LRRC9: variants seen among roughly 807,000 people sequenced by gnomAD.
The protein encoded by LRRC9 is leucine rich repeat containing 9.
LRRC9 carries 122 observed loss-of-function variants against 63.2 expected under a neutral mutation model. That is an observed-to-expected ratio of 1.93 (90% CI 1.67 to 2.24). The LOEUF (loss-of-function observed/expected upper bound fraction) is 2.24. Among genes scored for constraint, LRRC9 ranks in the 30% most tolerant of loss-of-function variants. The pLI is 0.00. For missense variants in LRRC9, 1,071 were observed against 627.7 expected (o/e 1.71, Z -7.55); for synonymous variants, 366 against 213.1 (o/e 1.72, Z -6.25).
At chr14:59,963,147 AT>A in intron 10 of LRRC9, among the ~76,000 whole-genome samples, 1 of 152,300 alleles carries the variant, frequency 6.6e-6, no homozygotes, top group South Asian at 2.1e-4. Flanking sequence ...AATAAAAAGT[AT>A]TTCAGTAGAA....
At chr14:60,023,170 C>T (rs753614552) in intron 27 of LRRC9, among the ~76,000 whole-genome samples, 3 of 151,660 alleles carry the variant, frequency 2.0e-5, no homozygotes, top group Non-Finnish European at 4.4e-5. Context: ...TTATTAAACC[C>T]AGAATTGTGG....
intron 29 of LRRC9, among the ~76,000 whole-genome samples, chr14:60,037,071 C>T (rs1484513265): frequency 1.3e-5 from 2 of 152,156 alleles, no homozygotes; most frequent in African/African-American, 4.8e-5. Context: ...CAGCTCCATC[C>T]ATGTCCCTAC....
At chr14:59,935,988 C>T (rs1890106651) in intron 6 of LRRC9, among the ~76,000 whole-genome samples, 1 of 152,188 alleles carries the variant, frequency 6.6e-6, no homozygotes, top group African/African-American at 2.4e-5. Flanking sequence ...TGGTTATAAG[C>T]CATGGCTGCA....
At chr14:59,951,945 G>A (rs1432696566) in intron 8 of LRRC9, among the ~76,000 whole-genome samples, 3 of 152,054 alleles carry the variant, frequency 2.0e-5, no homozygotes, top group Admixed American at 2.0e-4. Flanking sequence ...GATTACTGCT[G>A]TCTTTTTGTT....
At chr14:60,046,886 A>G (rs187285418) in intron 29 of LRRC9, among the ~76,000 whole-genome samples, 2 of 152,182 alleles carry the variant, frequency 1.3e-5, no homozygotes, top group South Asian at 4.1e-4. Flanking sequence ...CTTCCTATCC[A>G]TGAGCATGGA....
intron 27 of LRRC9, among the ~76,000 whole-genome samples, chr14:60,026,000 A>G (rs1166127689): frequency 6.6e-6 from 1 of 152,120 alleles, no homozygotes; most frequent in Non-Finnish European, 1.5e-5. Context: ...TACTAAAGCT[A>G]AAGTCATTGG....
chr14:59,942,174 T>C lies in LRRC9; in HGVS notation c.727-2415T>C, dbSNP rs993902079. 1.4e-4 allele frequency among the ~76,000 whole-genome samples: 22 copies of C among 152,192 alleles called. No homozygotes were observed. The highest frequency in any genetic ancestry group is 4.6e-4 in the African/African-American group (19 of 41,454). ...TTTTTTATGGTTAAATAGTATTCCA[T>C]CATGTGTATACACATATGTGTGTGT... On this transcript the variant is annotated intron_variant, in intron 7 of 31. Coordinates refer to ENST00000445360, the Ensembl canonical transcript of LRRC9. The surrounding 1 kb of genome is among the most constrained non-coding windows in gnomAD (Gnocchi z 5.3).
In LRRC9 at chr14:59,967,181, GA is replaced by G; in HGVS notation, c.1479del (p.Gly494AspfsTer23). 8.0e-6 allele frequency: 5 copies of G among 627,994 alleles called. No homozygotes were observed. The highest frequency in any genetic ancestry group is 1.8e-5 in the South Asian group (1 of 56,054). 38.9% of individuals were successfully genotyped at this position (627,994 alleles called of 1,614,324 possible). On this transcript the variant is annotated frameshift_variant, in exon 12 of 32. Coordinates refer to ENST00000445360, the Ensembl canonical transcript of LRRC9. LOFTEE classifies it high-confidence loss of function. ...GAAAAAGCATCTTCTACAAATACTT[GA>G]AAAAGGATTCAAAGACAGTGAAACA...
intron 29 of LRRC9, among the ~76,000 whole-genome samples, chr14:60,033,977 T>C (rs1031826645): frequency 2.0e-5 from 3 of 151,714 alleles, no homozygotes; most frequent in African/African-American, 7.3e-5. Flanking sequence ...GAAGTTGTAT[T>C]ATCTAGAAAA....
intron 17 of LRRC9, among the ~76,000 whole-genome samples, chr14:59,987,507 T>C: frequency 7.1e-6 from 1 of 140,458 alleles, no homozygotes; most frequent in African/African-American, 2.5e-5. Flanking sequence ...CCATTTCCCA[T>C]AGTTTATCTC....
At chr14:60,019,204 G>T in exon 26 of LRRC9, 1 of 700,188 alleles carries the variant, frequency 1.4e-6, no homozygotes, top group Non-Finnish European at 2.6e-6. Flanking sequence ...GACAACTACT[G>T]TACCAGAAAG....
At position 60,016,445 on chromosome 14, in the gene LRRC9, A is replaced by C. The variant is rs1202173462; in HGVS notation, c.3187-215A>C. ...CATCTTGAACTCCTGGACTCAAGCA[A>C]TCCTCCCACCTTGGCCTCCCAGTGT... On this transcript the variant is annotated intron_variant, in intron 23 of 31. Coordinates refer to ENST00000445360, the Ensembl canonical transcript of LRRC9. 3.3e-5 allele frequency among the ~76,000 whole-genome samples: 5 copies of C among 151,970 alleles called. No homozygotes were observed. The East Asian group carries it at 9.7e-4, about 29-fold the overall frequency.
At chr14:59,931,638 A>G (rs914022427) in exon 5 of LRRC9, 6 of 699,218 alleles carry the variant, frequency 8.6e-6, no homozygotes, top group Non-Finnish European at 1.6e-5. Flanking sequence ...ACTTTGAAGA[A>G]TTTAAAAGAT....
intron 12 of LRRC9, among the ~76,000 whole-genome samples, chr14:59,968,473 AAAAAAGCATTCCATCCACTCAGTGG>A (rs1885101098): frequency 6.6e-6 from 1 of 152,170 alleles, no homozygotes. Context: ...TCACCTCCCC[AAAAAAGCATTCCATCCACTCAGTGG>A]AGAATGGGTT....
At chr14:59,940,390 T>C (rs1222652666) in intron 7 of LRRC9, among the ~76,000 whole-genome samples, 3 of 152,142 alleles carry the variant, frequency 2.0e-5, no homozygotes, top group African/African-American at 7.2e-5. Flanking sequence ...GGCAGTTCTT[T>C]GTGATAAACT....
At chr14:60,052,084 T>C (rs896454906) in intron 29 of LRRC9, among the ~76,000 whole-genome samples, 1 of 152,196 alleles carries the variant, frequency 6.6e-6, no homozygotes, top group African/African-American at 2.4e-5. Context: ...CACTCCTCTC[T>C]GGGAGTGCTG....
chr14:60,025,361 CA>C (rs1891461655), intron 27 of LRRC9, among the ~76,000 whole-genome samples: 2 of 151,824 alleles, frequency 1.3e-5, no homozygotes, highest in African/African-American at 4.8e-5. Context: ...CTCAGCCTCC[CA>C]AAATGGTGGG....
At chr14:60,044,922 C>T (rs1003765558) in intron 29 of LRRC9, among the ~76,000 whole-genome samples, 56 of 152,002 alleles carry the variant, frequency 3.7e-4, no homozygotes, top group African/African-American at 1.2e-3. Context: ...CAGTCTGTCT[C>T]TTTCTTTAGG....
At chr14:59,946,111 T>C (rs948274916) in intron 8 of LRRC9, among the ~76,000 whole-genome samples, 3 of 151,376 alleles carry the variant, frequency 2.0e-5, no homozygotes, top group Non-Finnish European at 4.4e-5. Flanking sequence ...CATTGCACTA[T>C]TAATAATTAA....
Sources: gnomAD v4.1 joint callset for allele counts (sites outside exome capture counted in the v4.1 genomes callset) on GRCh38, gnomAD v4.1.1 for gene constraint, Gnocchi (gnomAD v3.1) non-coding constraint, MANE v1.5 for transcripts, NCBI Gene and HGNC (gene_info 2026-07-23, HGNC 2026-07-21) for gene names.